MICU1: variants seen among roughly 807,000 people sequenced by gnomAD.
MICU1 encodes the protein mitochondrial calcium uptake 1, also known as calcium uptake protein 1, mitochondrial.
Under a neutral mutation model 56.8 loss-of-function variants are expected in MICU1, and 45 were observed. That is an observed-to-expected ratio of 0.79 (90% CI 0.62 to 1.02). MICU1 has a LOEUF of 1.02. MICU1 is among the 50% of genes least tolerant of loss of function. The pLI, the probability that MICU1 is intolerant of heterozygous loss-of-function variation, is 0.00. For synonymous variants in MICU1, 186 were observed against 195.1 expected (o/e 0.95, Z 0.39); for missense variants, 504 against 587.1 (o/e 0.86, Z 1.46).
At chr10:72,487,909 A>T (rs1866526540) in intron 6 of MICU1, among the ~76,000 whole-genome samples, 1 of 152,108 alleles carries the variant, frequency 6.6e-6, no homozygotes, top group South Asian at 2.1e-4. Flanking sequence ...TTAATAATGT[A>T]AAAAAGTCTG....
At chr10:72,510,607 T>A (rs1271841362) in intron 5 of MICU1, among the ~76,000 whole-genome samples, 5 of 152,164 alleles carry the variant, frequency 3.3e-5, no homozygotes, top group African/African-American at 1.2e-4. Context: ...AACCAGGAAA[T>A]TTAGTATTGA....
At chr10:72,461,281 T>C (rs985419917) in intron 8 of MICU1, among the ~76,000 whole-genome samples, 7 of 152,086 alleles carry the variant, frequency 4.6e-5, no homozygotes, top group Non-Finnish European at 7.4e-5. Context: ...AGTCCCAGAG[T>C]TTACCGAGTG....
At chr10:72,396,612 CA>C (rs1389253433) in intron 10 of MICU1, among the ~76,000 whole-genome samples, 1 of 152,174 alleles carries the variant, frequency 6.6e-6, no homozygotes, top group Non-Finnish European at 1.5e-5. Flanking sequence ...AGCTGAAAAC[CA>C]TGGCATGAGA....
At chr10:72,424,232 C>T (rs1001550950) in intron 8 of MICU1, among the ~76,000 whole-genome samples, 4 of 152,062 alleles carry the variant, frequency 2.6e-5, no homozygotes, top group African/African-American at 9.7e-5. Context: ...CCTGTCTCAG[C>T]CTCCCGAGTA....
chr10:72,386,751 A>G lies in MICU1; in HGVS notation c.1181-10879T>C, dbSNP rs143150793. ...ATTTTAAAGTATTTTTTGTAGAGAC[A>G]GAGTCCCACTGTGTTGCCTAGGTTG... On this transcript the variant is annotated intron_variant, in intron 10 of 11. Transcript: ENST00000361114. Among the ~76,000 whole-genome samples, 61 of 151,898 alleles carry G rather than the reference A, an allele frequency of 4.0e-4. No individual in the cohort carries two copies. In the East Asian group the frequency reaches 4.3e-3, roughly 11 times the overall value.
At chr10:72,444,345 A>G (rs1266129803) in intron 8 of MICU1, among the ~76,000 whole-genome samples, 1 of 152,082 alleles carries the variant, frequency 6.6e-6, no homozygotes, top group Non-Finnish European at 1.5e-5. Context: ...CACATTGTGC[A>G]CATGTACCCT....
intron 1 of MICU1, among the ~76,000 whole-genome samples, chr10:72,576,631 A>G (rs1191970402): frequency 1.3e-5 from 2 of 152,238 alleles, no homozygotes; most frequent in Non-Finnish European, 2.9e-5. Flanking sequence ...TGAAGCAGCA[A>G]GTTATCCAGA....
chr10:72,416,198 A>AAAAAC (rs1282215962), intron 9 of MICU1, among the ~76,000 whole-genome samples: 3 of 152,192 alleles, frequency 2.0e-5, no homozygotes, highest in Admixed American at 6.5e-5. Context: ...ATTGTGGGGA[A>AAAAAC]AAAACAGGAA....
At chr10:72,450,276 A>T (rs1229405361) in intron 8 of MICU1, among the ~76,000 whole-genome samples, 2 of 152,028 alleles carry the variant, frequency 1.3e-5, no homozygotes, top group Admixed American at 6.6e-5. Flanking sequence ...TCTGAGCGAT[A>T]AAAACAAGGT....
In MICU1 at chr10:72,375,789, A is replaced by C. The variant is rs892900843; in HGVS notation, c.1264T>G (p.Cys422Gly). 6.2e-7 allele frequency: 1 copy of C among 1,612,606 alleles called. No homozygotes were observed. Among genetic ancestry groups the C allele is most frequent in the Non-Finnish European group, 8.5e-7 (1 of 1,179,370 alleles). ...TCCAGAGGGCCCCACTCACCATCAC[A>C]GTCAAAGAGTGCAAACACCACATCA... ...VCDVVFALFD[C>G]DGNGELSNKE... Residue 422 changes from cysteine (C) to glycine (G), a missense_variant, in exon 11 of 12, where the codon TGT (cysteine) becomes GGT (glycine). By Grantham distance (159) the Cys-to-Gly change is radical. Transcript: ENST00000361114.
intron 6 of MICU1, among the ~76,000 whole-genome samples, chr10:72,486,496 G>T (rs1345003064): frequency 1.3e-5 from 2 of 152,154 alleles, no homozygotes. Context: ...TTTTGAGACA[G>T]AGTTTCATTC....
intron 1 of MICU1, among the ~76,000 whole-genome samples, chr10:72,598,250 C>T (rs73282787): frequency 0.053 from 8,058 of 151,814 alleles, 730 homozygotes; most frequent in African/African-American, 0.18. Context: ...CTTCATCTTT[C>T]AAAATATATT....
chr10:72,373,781 T>C (rs114178768), intron 11 of MICU1, among the ~76,000 whole-genome samples: 4,366 of 152,216 alleles, frequency 0.029, 183 homozygotes, highest in African/African-American at 0.1. Flanking sequence ...AAAATAAATG[T>C]TTTTTGGAAA....
At chr10:72,520,149 A>G (rs1589302695) in intron 5 of MICU1, among the ~76,000 whole-genome samples, 1 of 152,286 alleles carries the variant, frequency 6.6e-6, no homozygotes, top group East Asian at 1.9e-4. Context: ...AATGACAAAT[A>G]GTATTTCTAT....
At chr10:72,573,185 A>G (rs1206642250) in intron 1 of MICU1, among the ~76,000 whole-genome samples, 1 of 151,922 alleles carries the variant, frequency 6.6e-6, no homozygotes, top group East Asian at 1.9e-4. Flanking sequence ...TTTAAAAGCA[A>G]TAGGCCAGCC....
chr10:72,443,446 G>A (rs550057906), intron 8 of MICU1, among the ~76,000 whole-genome samples: 4,126 of 152,194 alleles, frequency 0.027, 175 homozygotes, highest in African/African-American at 0.095. Context: ...GTCCTTGCCC[G>A]TGCCTATGTC....
chr10:72,495,632 G>C (rs993298626), intron 6 of MICU1, among the ~76,000 whole-genome samples: 2 of 140,272 alleles, frequency 1.4e-5, no homozygotes, highest in African/African-American at 2.7e-5. Context: ...TCCAGCCTGG[G>C]CAACAAGAGT....
In MICU1 at chr10:72,563,044, G is replaced by A. The variant is rs1395472814; in HGVS notation, c.181C>T (p.Pro61Ser). ...LWKRAHAESP[P>S]CVDNLKSDIG... is the part of the protein sequence containing the mutation. ...TCACTTTTTAGGTTGTCTACACATG[G>A]TGGAGATTCTGCATGGGCCCTGGAT... Residue 61 changes from proline (P) to serine (S), a missense_variant, in exon 3 of 12, where the codon CCA becomes TCA. Pro to Ser is a moderately conservative substitution (Grantham distance 74, BLOSUM62 -1). Transcript: ENST00000361114. 6.3e-7 allele frequency: 1 copy of A among 1,579,898 alleles called. No homozygotes were observed. Among genetic ancestry groups the A allele is most frequent in the Admixed American group, 1.9e-5 (1 of 53,586 alleles).
chr10:72,436,723 C>T (rs1864736874), intron 8 of MICU1, among the ~76,000 whole-genome samples: 1 of 152,098 alleles, frequency 6.6e-6, no homozygotes, highest in South Asian at 2.1e-4. Flanking sequence ...CTTAAATGAA[C>T]TGATGGAGCT....
Sources: gnomAD v4.1 joint callset for allele counts (sites outside exome capture counted in the v4.1 genomes callset) on GRCh38, gnomAD v4.1.1 for gene constraint, MANE v1.5 for transcripts, NCBI Gene and HGNC (gene_info 2026-07-23, HGNC 2026-07-21) for gene names.